PARP8: variants seen among roughly 807,000 people sequenced by gnomAD.
PARP8 encodes poly(ADP-ribose) polymerase family member 8.
A neutral mutation model predicts 124.1 loss-of-function variants in PARP8; 51 were observed. The ratio of observed to expected loss-of-function variants is 0.41; its 90% CI spans 0.33 to 0.52. PARP8 has a LOEUF of 0.52. Ranked by LOEUF, PARP8 falls within the 20% of genes least tolerant of loss-of-function variation. The pLI is 0.21. For missense variants in PARP8, 860 were observed against 1,018.9 expected (o/e 0.84, Z 2.12); for synonymous variants, 391 against 361.5 (o/e 1.08, Z -0.93).
At chr5:50,819,714 G>A (rs1745548465) in intron 15 of PARP8, among the ~76,000 whole-genome samples, 1 of 151,982 alleles carries the variant, frequency 6.6e-6, no homozygotes, top group African/African-American at 2.4e-5. Context: ...CAAAGTGCTA[G>A]GATTACAGGC....
At chr5:50,830,089 TCAAAAG>T in intron 22 of PARP8, 128 bp downstream of exon 22, 1 of 1,138,152 alleles carries the variant, frequency 8.8e-7, no homozygotes, top group Non-Finnish European at 1.1e-6. Flanking sequence ...TTGCTAAATG[TCAAAAG>T]CAAAAACAAA....
In PARP8 at chr5:50,667,185, A is replaced by G. The variant is rs1438693877; in HGVS notation, c.90A>G (p.Ala30=). The G allele has an allele frequency of 1.9e-6, 3 of 1,596,270 alleles. No individual in the cohort carries two copies. Among genetic ancestry groups the G allele is most frequent in the Admixed American group, 1.7e-5 (1 of 60,006 alleles). Residue 30 remains alanine (A), a splice_region_variant and synonymous_variant, in exon 1 of 26, where the codon GCA becomes GCG. Transcript: ENST00000281631. The part of the protein sequence containing the change: ...KSRAEKDCLF[A]DFRYSDSTFT... ...GAGCTGAGAAGGACTGCCTGTTTGC[A>G]GGTGAGTTCTTGCTTTTCCAGAACC...
intron 2 of PARP8, among the ~76,000 whole-genome samples, chr5:50,708,054 A>G (rs542740670): frequency 1.3e-5 from 2 of 152,046 alleles, no homozygotes; most frequent in African/African-American, 2.4e-5. Context: ...TATTTTTCCT[A>G]TAGTTAAAAA....
chr5:50,767,831 C>T (rs1248584622), intron 7 of PARP8, among the ~76,000 whole-genome samples: 11 of 152,192 alleles, frequency 7.2e-5, no homozygotes, highest in South Asian at 2.1e-4. Flanking sequence ...CAGAGATAGA[C>T]ATGCAAGCTG....
At chr5:50,800,453 A>G (rs2149662429) in intron 14 of PARP8, among the ~76,000 whole-genome samples, 1 of 152,254 alleles carries the variant, frequency 6.6e-6, no homozygotes, top group African/African-American at 2.4e-5. Flanking sequence ...TAGAACTTCA[A>G]TACAAGACTG....
At chr5:50,805,903 A>T (rs768527998) in intron 14 of PARP8, among the ~76,000 whole-genome samples, 7 of 152,030 alleles carry the variant, frequency 4.6e-5, no homozygotes, top group Non-Finnish European at 1.0e-4. Flanking sequence ...TTTGTTACAG[A>T]GAAATGTGTC....
At chr5:50,674,079 G>C (rs1031203807) in intron 2 of PARP8, among the ~76,000 whole-genome samples, 1 of 152,114 alleles carries the variant, frequency 6.6e-6, no homozygotes, top group Non-Finnish European at 1.5e-5. Flanking sequence ...GGAAAGACTA[G>C]TAAGATGTGT....
intron 18 of PARP8, among the ~76,000 whole-genome samples, chr5:50,825,354 T>C (rs1419422705): frequency 6.6e-6 from 1 of 152,214 alleles, no homozygotes; most frequent in Non-Finnish European, 1.5e-5. Context: ...ACCTTTATTA[T>C]TGAAATCTTT....
At chr5:50,811,041 A>G (rs571943233) in intron 14 of PARP8, among the ~76,000 whole-genome samples, 145 of 152,028 alleles carry the variant, frequency 9.5e-4, no homozygotes, top group Non-Finnish European at 1.7e-3. Context: ...AGGGTGCCTG[A>G]TTTCTGTCTG....
chr5:50,825,785 G>A (rs914344204), intron 18 of PARP8, among the ~76,000 whole-genome samples: 2 of 152,084 alleles, frequency 1.3e-5, no homozygotes, highest in African/African-American at 4.8e-5. Context: ...CTTATACCAT[G>A]CTACGACCAG....
Position 50,797,132 on chromosome 5 carries a change from A to G in PARP8, c.1480-6A>G, listed in dbSNP as rs779596345. 2 of 1,612,504 alleles carry G rather than the reference A, an allele frequency of 1.2e-6. No homozygotes were observed. Among genetic ancestry groups the G allele is most frequent in the Non-Finnish European group, 1.7e-6 (2 of 1,178,984 alleles). ...CTTAATTATTTTTCCTTACTGTTTT[A>G]TTCAGACAATTGAGTTTGCTGAACA... On this transcript the variant is annotated splice_polypyrimidine_tract_variant and splice_region_variant and intron_variant, in intron 13 of 25. Transcript: ENST00000281631.
chr5:50,822,636 A>T lies in PARP8; in HGVS notation c.1860+236A>T, dbSNP rs780708403. The stretch of plus-strand genomic sequence containing the variant: ...TACTCTGCCCTCAAACTCGGGCAAG[A>T]GCTTGGGTACATGTAGGTATGTCGG... On this transcript the variant is annotated intron_variant, in intron 17 of 25. Transcript: ENST00000281631. 2.0e-4 allele frequency among the ~76,000 whole-genome samples: 30 copies of T among 152,146 alleles called. 1 individual carries two copies. Among genetic ancestry groups the T allele is most frequent in the Non-Finnish European group, 3.8e-4 (26 of 68,032 alleles).
In PARP8 at chr5:50,795,065, C is replaced by T. The variant is rs202205038; in HGVS notation, c.1076C>T (p.Ser359Leu). 36 of 1,614,194 alleles carry T rather than the reference C, an allele frequency of 2.2e-5. No individual in the cohort carries two copies. In the Admixed American group the frequency reaches 3.5e-4, roughly 16 times the overall value. Reference sequence around the variant, plus strand: ...GAGCAGGCTATGACAGCAATTAAATCGCACAAACTTTTGAACCGTCCTTGC... The same window carrying T: ...GAGCAGGCTATGACAGCAATTAAATTGCACAAACTTTTGAACCGTCCTTGC... Reference protein sequence around the residue: ...RAEQAMTAIKSHKLLNRPCPA... With the variant: ...RAEQAMTAIKLHKLLNRPCPA... Residue 359 changes from serine (S) to leucine (L), a missense_variant, in exon 12 of 26, where the codon TCG (serine) becomes TTG (leucine). Physicochemically the swap from Ser to Leu is moderately radical, Grantham distance 145. Coordinates refer to ENST00000281631, the MANE Select transcript of PARP8 (RefSeq NM_024615.4).
At chr5:50,674,237 A>C (rs1259498672) in intron 2 of PARP8, among the ~76,000 whole-genome samples, 1 of 152,204 alleles carries the variant, frequency 6.6e-6, no homozygotes, top group Non-Finnish European at 1.5e-5. Flanking sequence ...ATCCCTTCTT[A>C]GCTCTTTAAA....
chr5:50,806,806 A>C (rs149590858), intron 14 of PARP8, among the ~76,000 whole-genome samples: 1 of 152,202 alleles, frequency 6.6e-6, no homozygotes, highest in East Asian at 1.9e-4. Context: ...TTACATTGCA[A>C]TATATTTTGC....
rs1183814424 is a variant in PARP8 at position 50,844,880 on chromosome 5, A to G, written c.*2812A>G. On this transcript the variant is annotated 3_prime_UTR_variant, in exon 26 of 26. Transcript: ENST00000281631. ...TAATATACAAATAATCTAGTGCTAT[A>G]AAATGCATTATAGTAAGACACTTTT... The G allele has an allele frequency of 6.6e-6, 1 of 151,750 alleles. No homozygotes were observed. Among genetic ancestry groups the G allele is most frequent in the African/African-American group, 2.4e-5 (1 of 41,386 alleles). The allele number at this position is 151,750 out of a possible 1,614,324, so 9.4% of individuals were successfully genotyped here.
At chr5:50,701,549 T>C (rs1208355990) in intron 2 of PARP8, among the ~76,000 whole-genome samples, 1 of 152,154 alleles carries the variant, frequency 6.6e-6, no homozygotes, top group Non-Finnish European at 1.5e-5. Context: ...TTTCTAATTA[T>C]GTAACTCCAT....
At chr5:50,813,931 A>G (rs1303025072) in intron 14 of PARP8, among the ~76,000 whole-genome samples, 1 of 152,146 alleles carries the variant, frequency 6.6e-6, no homozygotes, top group African/African-American at 2.4e-5. Flanking sequence ...CATGTCAGTA[A>G]ATGAGCCTTT....
intron 25 of PARP8, among the ~76,000 whole-genome samples, chr5:50,840,804 T>C (rs991635256): frequency 1.4e-4 from 21 of 151,906 alleles, no homozygotes; most frequent in African/African-American, 4.3e-4. Flanking sequence ...ATATTTGTAA[T>C]TGGGCTGTGT....
Sources: allele counts gnomAD v4.1 joint callset (sites outside exome capture counted in the v4.1 genomes callset), GRCh38; gene constraint gnomAD v4.1.1; transcripts MANE v1.5; gene names NCBI Gene and HGNC (gene_info 2026-07-23, HGNC 2026-07-21).